B3GAT2: variants seen among roughly 807,000 people sequenced by gnomAD.
B3GAT2 encodes the protein beta-1,3-glucuronyltransferase 2, also known as galactosylgalactosylxylosylprotein 3-beta-glucuronosyltransferase 2.
In B3GAT2, 26 loss-of-function variants were observed where a neutral mutation model predicts 27.8. The observed-to-expected ratio is 0.93, with a 90% CI of 0.68 to 1.30. B3GAT2 has a LOEUF of 1.30. Among genes scored for constraint, B3GAT2 ranks in the 50% most tolerant of loss-of-function variants. B3GAT2 has a pLI of 0.00. For synonymous variants in B3GAT2, 218 were observed against 195.1 expected (o/e 1.12, Z -0.98); for missense variants, 458 against 459.0 (o/e 1.00, Z 0.02).
intron 2 of B3GAT2, among the ~76,000 whole-genome samples, chr6:70,864,255 A>G (rs1771814745): frequency 6.6e-6 from 1 of 151,860 alleles, no homozygotes; most frequent in East Asian, 1.9e-4. Context: ...GATTTCCTTC[A>G]TTTTCCCCTA....
chr6:70,918,904 T>C (rs2150041399), intron 1 of B3GAT2, among the ~76,000 whole-genome samples: 1 of 152,326 alleles, frequency 6.6e-6, no homozygotes, highest in East Asian at 1.9e-4. Flanking sequence ...AGTATCTTTG[T>C]GGTGTTCTCT....
intron 1 of B3GAT2, among the ~76,000 whole-genome samples, chr6:70,925,943 G>T (rs947128659): frequency 1.3e-5 from 2 of 152,208 alleles, no homozygotes; most frequent in Admixed American, 1.3e-4. Context: ...CTGAGATGAA[G>T]GTTCCAGAGG....
chr6:70,870,901 A>G lies in B3GAT2; in HGVS notation c.737-8923T>C, dbSNP rs538426672. 1.4e-4 allele frequency among the ~76,000 whole-genome samples: 21 copies of G among 152,258 alleles called. 2 individuals are homozygous for G. The South Asian group carries it at 4.4e-3, about 32-fold the overall frequency. On this transcript the variant is annotated intron_variant, in intron 2 of 3. Transcript: ENST00000230053. ...TTCATAGATATGCTTTATCAAATAA[A>G]TGAAGTTCCCTCCTATTCCTAGTTT...
intron 1 of B3GAT2, among the ~76,000 whole-genome samples, chr6:70,943,391 C>T (rs989439945): frequency 6.6e-6 from 1 of 152,202 alleles, no homozygotes; most frequent in African/African-American, 2.4e-5. Flanking sequence ...AAGGAGCCAT[C>T]TCAGCCACAT....
At chr6:70,907,036 G>A (rs570063027) in intron 1 of B3GAT2, among the ~76,000 whole-genome samples, 15 of 152,186 alleles carry the variant, frequency 9.9e-5, no homozygotes, top group Non-Finnish European at 1.8e-4. Context: ...AAACCTCAGC[G>A]AGTCCAGGGA....
chr6:70,904,356 G>C (rs1772561277), intron 1 of B3GAT2, among the ~76,000 whole-genome samples: 1 of 152,088 alleles, frequency 6.6e-6, no homozygotes, highest in Non-Finnish European at 1.5e-5. Flanking sequence ...CTCAAGAAAG[G>C]TAATTCAAAA....
intron 2 of B3GAT2, among the ~76,000 whole-genome samples, chr6:70,888,505 C>T (rs9784868): frequency 1.3e-5 from 2 of 152,062 alleles, no homozygotes; most frequent in African/African-American, 2.4e-5. Context: ...TCCCCAATAG[C>T]TGTGGTATTT....
chr6:70,898,518 A>G (rs1772432396), intron 1 of B3GAT2, among the ~76,000 whole-genome samples: 1 of 152,216 alleles, frequency 6.6e-6, no homozygotes, highest in Non-Finnish European at 1.5e-5. Flanking sequence ...GGTTAAACCT[A>G]ATACATACTT....
intron 1 of B3GAT2, among the ~76,000 whole-genome samples, chr6:70,950,823 A>G (rs946419540): frequency 2.6e-5 from 4 of 152,228 alleles, no homozygotes; most frequent in Non-Finnish European, 4.4e-5. Flanking sequence ...GTAAAACCCT[A>G]AGGGTACTTC....
At position 70,885,906 on chromosome 6, in the gene B3GAT2, C is replaced by T. The variant is rs550850513; in HGVS notation, c.736+8222G>A. Among the ~76,000 whole-genome samples the T allele has an allele frequency of 2.1e-4, 32 of 152,292 alleles. No individual in the cohort carries two copies. In the South Asian group the frequency reaches 5.6e-3, roughly 27 times the overall value. On this transcript the variant is annotated intron_variant, in intron 2 of 3. Coordinates refer to ENST00000230053, the MANE Select transcript of B3GAT2 (RefSeq NM_080742.3). The stretch of plus-strand genomic sequence containing the variant: ...GACCCAAGGATGAGTGATTCTTCCA[C>T]CCTACAGCTACCTGCATGGACCTCA...
rs763295451 is a variant in B3GAT2 at position 70,859,461 on chromosome 6, G to C, written c.*2202C>G. 5.0e-5 allele frequency: 62 copies of C among 1,248,492 alleles called. 1 individual carries two copies. In the South Asian group the frequency reaches 6.0e-4, roughly 12 times the overall value. The allele number at this position is 1,248,492 out of a possible 1,614,324, so 77.3% of individuals were successfully genotyped here. On this transcript the variant is annotated 3_prime_UTR_variant, in exon 4 of 4. Coordinates refer to ENST00000230053, the MANE Select transcript of B3GAT2 (RefSeq NM_080742.3). ...TTCTTCAGACACTTATGCCTGATTAGTGATGTAGTTTATGTTAGTGTCTTT... is the reference window on the plus strand; with the variant it reads ...TTCTTCAGACACTTATGCCTGATTACTGATGTAGTTTATGTTAGTGTCTTT...
rs571691134 is a variant in B3GAT2, at chr6:70,862,061, A to G, written c.737-83T>C. Reference sequence around the variant, plus strand: ...TTTCTGTATAATTTTGGTCACATCAAAACAGTTTTTAAAATACCTACTGTG... The same window carrying G: ...TTTCTGTATAATTTTGGTCACATCAGAACAGTTTTTAAAATACCTACTGTG... On this transcript the variant is annotated intron_variant, in intron 2 of 3. Coordinates refer to ENST00000230053, the MANE Select transcript of B3GAT2 (RefSeq NM_080742.3). 201 of 1,345,644 alleles carry G rather than the reference A, an allele frequency of 1.5e-4. 1 individual carries two copies. In the African/African-American group the frequency reaches 2.3e-3, roughly 15 times the overall value. 83.4% of individuals were successfully genotyped at this position (1,345,644 alleles called of 1,614,324 possible).
chr6:70,861,930 A>T lies in B3GAT2; in HGVS notation c.785T>A (p.Phe262Tyr). The T allele has an allele frequency of 2.5e-6, 4 of 1,614,022 alleles. No homozygotes were observed. Residue 262 changes from phenylalanine to tyrosine, a missense_variant, in exon 3 of 4, where the codon TTT becomes TAT. Phe to Tyr is a conservative substitution (Grantham distance 22). Coordinates refer to ENST00000230053, the MANE Select transcript of B3GAT2 (RefSeq NM_080742.3). ...QVILSNPKAV[F>Y]KRRGSQPGMQ... The stretch of plus-strand genomic sequence containing the variant: ...CCCTGGCTGGGATCCACGACGCTTA[A>T]ATACAGCTTTTGGATTGGACAAAAT...
intron 1 of B3GAT2, among the ~76,000 whole-genome samples, chr6:70,937,471 A>C (rs945702212): frequency 6.6e-6 from 1 of 152,156 alleles, no homozygotes; most frequent in African/African-American, 2.4e-5. Flanking sequence ...TTAGACCAAT[A>C]TCCTTGATGA....
intron 2 of B3GAT2, among the ~76,000 whole-genome samples, chr6:70,868,982 A>G (rs571892956): frequency 4.6e-5 from 7 of 152,284 alleles, no homozygotes; most frequent in African/African-American, 1.7e-4. Context: ...TTGTCCTTTT[A>G]TATGGTATGA....
At chr6:70,936,051 G>C (rs1765274188) in intron 1 of B3GAT2, among the ~76,000 whole-genome samples, 1 of 151,532 alleles carries the variant, frequency 6.6e-6, no homozygotes, top group African/African-American at 2.4e-5. Flanking sequence ...TAAAAGGATG[G>C]AGGAAGATCT....
At chr6:70,930,474 A>C (rs564581098) in intron 1 of B3GAT2, among the ~76,000 whole-genome samples, 72 of 152,360 alleles carry the variant, frequency 4.7e-4, no homozygotes, top group African/African-American at 1.7e-3. Flanking sequence ...AGAATCTACA[A>C]AGAACTTAAA....
intron 1 of B3GAT2, among the ~76,000 whole-genome samples, chr6:70,950,301 T>A (rs11287811): frequency 0.1 from 1,686 of 16,242 alleles, 19 homozygotes; most frequent in Middle Eastern, 0.26. Context: ...AAAAAAAAAA[T>A]TTTATTTTTC....
In B3GAT2 at chr6:70,857,786, A is replaced by T. The variant is rs1445464638; in HGVS notation, c.*3877T>A. ...CAGGGTTTAGGTGTGGGTTGGTCTG[A>T]GTAGTAGGAGCAGCCAAACTGGAAT... On this transcript the variant is annotated 3_prime_UTR_variant, in exon 4 of 4. Coordinates refer to ENST00000230053, the MANE Select transcript of B3GAT2 (RefSeq NM_080742.3). 1.1e-5 allele frequency: 10 copies of T among 874,488 alleles called. No homozygotes were observed. Among genetic ancestry groups the T allele is most frequent in the African/African-American group, 1.7e-5 (1 of 59,400 alleles). The allele number at this position is 874,488 out of a possible 1,614,324, so 54.2% of individuals were successfully genotyped here.
Sources: allele counts gnomAD v4.1 joint callset (sites outside exome capture counted in the v4.1 genomes callset), GRCh38; gene constraint gnomAD v4.1.1; transcripts MANE v1.5; gene names NCBI Gene and HGNC (gene_info 2026-07-23, HGNC 2026-07-21).